The following STAG1 variants were observed in gnomAD, a reference collection of about 807,000 sequenced individuals.
The protein encoded by STAG1 is STAG1 cohesin complex component.
A neutral mutation model predicts 170.9 loss-of-function variants in STAG1; 26 were observed. That is an observed-to-expected ratio of 0.15 (90% confidence interval 0.11 to 0.21). The LOEUF (loss-of-function observed/expected upper bound fraction) is 0.21. STAG1 is among the 10% of genes least tolerant of loss of function. The pLI, the probability that STAG1 is intolerant of heterozygous loss-of-function variation, is 1.00. For synonymous variants in STAG1, 514 were observed against 497.7 expected (o/e 1.03, Z -0.44); for missense variants, 964 against 1,509.5 (o/e 0.64, Z 5.99).
In STAG1 at chr3:136,630,920, A is replaced by G. The variant is rs371758370; in HGVS notation, c.-22T>C. The G allele has an allele frequency of 1.5e-4, 239 of 1,562,292 alleles. No homozygotes were observed. Among genetic ancestry groups the G allele is most frequent in the Non-Finnish European group, 2.0e-4 (231 of 1,151,854 alleles). On this transcript the variant is annotated 5_prime_UTR_variant, in exon 2 of 34. Transcript: ENST00000383202. ...TCATTGCTGGAGAGGTCCTTTCACAATGCAGCAAAATAATCAAGTGCTGTA... is the reference window on the plus strand; with the variant it reads ...TCATTGCTGGAGAGGTCCTTTCACAGTGCAGCAAAATAATCAAGTGCTGTA...
intron 1 of STAG1, among the ~76,000 whole-genome samples, chr3:136,642,201 T>C (rs1049852969): frequency 1.3e-5 from 2 of 151,610 alleles, no homozygotes; most frequent in African/African-American, 4.8e-5. Flanking sequence ...TTAAAACTAT[T>C]TGCATATCCC....
At chr3:136,663,386 A>G (rs1057195308) in intron 1 of STAG1, among the ~76,000 whole-genome samples, 1 of 152,194 alleles carries the variant, frequency 6.6e-6, no homozygotes, top group Admixed American at 6.5e-5. Context: ...AAATGAGGCA[A>G]TTTGCTCAAG....
At chr3:136,663,526 C>T (rs1463262744) in intron 1 of STAG1, among the ~76,000 whole-genome samples, 7 of 152,168 alleles carry the variant, frequency 4.6e-5, no homozygotes, top group African/African-American at 1.7e-4. Flanking sequence ...AAAGATTTTA[C>T]AGGTAGGCTT....
At chr3:136,642,766 G>A (rs1940851559) in intron 1 of STAG1, among the ~76,000 whole-genome samples, 1 of 152,166 alleles carries the variant, frequency 6.6e-6, no homozygotes, top group Non-Finnish European at 1.5e-5. Context: ...TATTCTCACA[G>A]TTCTGGAAGC....
intron 1 of STAG1, among the ~76,000 whole-genome samples, chr3:136,723,614 TCAGCCCCCTGCC>T (rs1199353706): frequency 2.0e-3 from 276 of 140,896 alleles, no homozygotes; most frequent in Non-Finnish European, 3.7e-3. Flanking sequence ...GGTGGGGGGA[TCAGCCCCCTGCC>T]CGGCCAGCCG....
intron 13 of STAG1, 39 bp from the exon 14 acceptor site, chr3:136,452,186 T>C: frequency 7.8e-7 from 1 of 1,283,322 alleles, no homozygotes; most frequent in East Asian, 2.3e-5. Flanking sequence ...GTTACATGAA[T>C]ATGAACTTTA....
At chr3:136,615,625 A>C (rs1272790402) in intron 3 of STAG1, among the ~76,000 whole-genome samples, 1 of 151,450 alleles carries the variant, frequency 6.6e-6, no homozygotes, top group African/African-American at 2.4e-5. Flanking sequence ...AAAAATACAA[A>C]AAATTATCCG....
chr3:136,435,235 G>A (rs1009488578), intron 15 of STAG1, among the ~76,000 whole-genome samples: 1 of 152,008 alleles, frequency 6.6e-6, no homozygotes, highest in African/African-American at 2.4e-5. Context: ...TATATCTAAA[G>A]CACGATCATA....
intron 26 of STAG1, among the ~76,000 whole-genome samples, chr3:136,362,731 C>T (rs936782433): frequency 1.3e-4 from 19 of 151,552 alleles, no homozygotes; most frequent in Non-Finnish European, 2.8e-4. Context: ...CTTATAAACC[C>T]TTATTTTTGT....
chr3:136,434,741 T>C (rs1576462398), intron 15 of STAG1, among the ~76,000 whole-genome samples: 1 of 152,188 alleles, frequency 6.6e-6, no homozygotes. Context: ...GTCCTGCAGA[T>C]TACACTAATA....
At chr3:136,472,937 G>T (rs1228227315) in intron 11 of STAG1, among the ~76,000 whole-genome samples, 1 of 152,158 alleles carries the variant, frequency 6.6e-6, no homozygotes, top group Non-Finnish European at 1.5e-5. Flanking sequence ...TAGGAACTGG[G>T]CCACACAGCA....
chr3:136,419,904 C>T (rs1204369147), intron 20 of STAG1, among the ~76,000 whole-genome samples: 1 of 152,028 alleles, frequency 6.6e-6, no homozygotes, highest in Non-Finnish European at 1.5e-5. Flanking sequence ...ATATTCATTA[C>T]ATTAAGTGAT....
intron 21 of STAG1, among the ~76,000 whole-genome samples, chr3:136,403,443 G>A (rs546828325): frequency 6.6e-6 from 1 of 151,978 alleles, no homozygotes; most frequent in South Asian, 2.1e-4. Flanking sequence ...ATAAACATTA[G>A]TGCTAAAAAA....
intron 1 of STAG1, among the ~76,000 whole-genome samples, chr3:136,678,760 C>A (rs1942223507): frequency 6.6e-6 from 1 of 150,462 alleles, no homozygotes. Context: ...TGCCTGTAAT[C>A]CCGGCACTTT....
At chr3:136,466,856 C>A (rs1176439143) in intron 12 of STAG1, among the ~76,000 whole-genome samples, 3 of 152,232 alleles carry the variant, frequency 2.0e-5, no homozygotes, top group Non-Finnish European at 4.4e-5. Flanking sequence ...ATCCAACATT[C>A]TTCAAGAAAA....
intron 4 of STAG1, among the ~76,000 whole-genome samples, chr3:136,569,320 G>A (rs1937185855): frequency 7.0e-6 from 1 of 143,378 alleles, no homozygotes; most frequent in South Asian, 2.2e-4. Context: ...TCAAATAACT[G>A]AATTTATCAA....
intron 1 of STAG1, among the ~76,000 whole-genome samples, chr3:136,667,141 C>A (rs1190627457): frequency 6.6e-6 from 1 of 152,028 alleles, no homozygotes; most frequent in Non-Finnish European, 1.5e-5. Context: ...TAAGCTTTAA[C>A]AAGGTAAAAA....
chr3:136,667,990 C>T (rs1941850144), intron 1 of STAG1, among the ~76,000 whole-genome samples: 1 of 151,774 alleles, frequency 6.6e-6, no homozygotes, highest in Non-Finnish European at 1.5e-5. Flanking sequence ...GAGGTAAGAC[C>T]ATCCTGGCCA....
At chr3:136,631,170 T>C (rs1399345608) in intron 1 of STAG1, among the ~76,000 whole-genome samples, 189 bp from the exon 2 acceptor site, 1 of 152,212 alleles carries the variant, frequency 6.6e-6, no homozygotes, top group Non-Finnish European at 1.5e-5. Flanking sequence ...GCAACTAAGA[T>C]GTTCTCACTA....
Sources: allele counts gnomAD v4.1 joint callset (sites outside exome capture counted in the v4.1 genomes callset), GRCh38; gene constraint gnomAD v4.1.1; transcripts MANE v1.5; gene names NCBI Gene and HGNC (gene_info 2026-07-23, HGNC 2026-07-21).